The following RBFOX1 variants were observed in gnomAD, a reference collection of about 807,000 sequenced individuals.
RBFOX1 encodes RNA binding protein fox-1 homolog 1.
RBFOX1 carries 8 observed loss-of-function variants against 57.7 expected under a neutral mutation model. That is an observed-to-expected ratio of 0.14 (90% CI 0.08 to 0.25). The LOEUF (loss-of-function observed/expected upper bound fraction) is 0.25, where lower values mean the gene tolerates loss of function less well. RBFOX1 is among the 10% of genes least tolerant of loss of function. The pLI is 1.00. For missense variants in RBFOX1, 611 were observed against 548.5 expected, an observed-to-expected ratio of 1.11 and a Z score of -1.14; for synonymous variants, 326 against 222.4, an observed-to-expected ratio of 1.47 and a Z score of -4.15.
At chr16:6,711,137 A>C (rs1050411198) in intron 3 of RBFOX1, among the ~76,000 whole-genome samples, 2 of 152,178 alleles carry the variant, frequency 1.3e-5, no homozygotes, top group African/African-American at 4.8e-5. Context: ...GCAGGAAATC[A>C]TGTTGGCTTT....
At chr16:6,403,147 C>A (rs769982292) in intron 2 of RBFOX1, among the ~76,000 whole-genome samples, 7 of 152,152 alleles carry the variant, frequency 4.6e-5, no homozygotes, top group Non-Finnish European at 8.8e-5. Flanking sequence ...GAACCAGCAG[C>A]ATGAGTATCA....
At chr16:6,437,382 G>A (rs568599730) in intron 2 of RBFOX1, among the ~76,000 whole-genome samples, 1 of 152,294 alleles carries the variant, frequency 6.6e-6, no homozygotes, top group South Asian at 2.1e-4. Context: ...TTTGCAGCTT[G>A]AAAACCAATT....
intron 14 of RBFOX1, among the ~76,000 whole-genome samples, chr16:7,681,988 C>T (rs562273464): frequency 6.6e-6 from 1 of 152,158 alleles, no homozygotes; most frequent in Non-Finnish European, 1.5e-5. Flanking sequence ...AAGGCCAGTT[C>T]AAGACCTGGC....
intron 1 of RBFOX1, among the ~76,000 whole-genome samples, chr16:5,450,080 C>T (rs1283504301): frequency 6.6e-6 from 1 of 152,148 alleles, no homozygotes; most frequent in Non-Finnish European, 1.5e-5. Context: ...TCTGAGAAAG[C>T]AGGAACTATG....
chr16:6,605,042 A>G (rs1281707276), intron 2 of RBFOX1, among the ~76,000 whole-genome samples: 3 of 152,070 alleles, frequency 2.0e-5, no homozygotes, highest in African/African-American at 4.8e-5. Flanking sequence ...ATAAAAATAT[A>G]TAAACACATG....
At chr16:5,670,057 T>C (rs1364453524) in intron 3 of RBFOX1, among the ~76,000 whole-genome samples, 1 of 152,054 alleles carries the variant, frequency 6.6e-6, no homozygotes, top group East Asian at 1.9e-4. Flanking sequence ...CTTGAAAACA[T>C]GCTAAGTGAG....
chr16:6,970,527 A>G (rs911911046), intron 3 of RBFOX1, among the ~76,000 whole-genome samples: 4 of 152,132 alleles, frequency 2.6e-5, no homozygotes, highest in Non-Finnish European at 5.9e-5. Flanking sequence ...CAGTAGATTC[A>G]GTGTCCGGTG....
intron 2 of RBFOX1, among the ~76,000 whole-genome samples, chr16:6,580,073 C>T (rs1407038659): frequency 6.6e-6 from 1 of 152,196 alleles, no homozygotes; most frequent in East Asian, 1.9e-4. Flanking sequence ...ATTCTTCTGC[C>T]TCAGCCTCCC....
At chr16:7,490,707 G>T (rs544853852) in intron 4 of RBFOX1, among the ~76,000 whole-genome samples, 2 of 152,310 alleles carry the variant, frequency 1.3e-5, no homozygotes, top group South Asian at 4.2e-4. Flanking sequence ...TCTGGTTGAG[G>T]TGGGGGTGTT....
rs561103700 is a variant in RBFOX1 at position 6,190,341 on chromosome 16, G to T, written c.-126-126654G>T. On this transcript the variant is annotated intron_variant, in intron 1 of 15. Coordinates refer to ENST00000550418, the MANE Select transcript of RBFOX1 (RefSeq NM_018723.4). ...TGTTAGGATGTGTCCTATAGACGTT[G>T]TTCTGTATATAGTATCAACAGAATT... 3.7e-4 allele frequency among the ~76,000 whole-genome samples: 56 copies of T among 152,256 alleles called. No homozygotes were observed. In the South Asian group the frequency reaches 0.011, roughly 31 times the overall value.
intron 3 of RBFOX1, among the ~76,000 whole-genome samples, chr16:6,949,698 G>C (rs989795962): frequency 4.6e-5 from 7 of 152,028 alleles, no homozygotes; most frequent in African/African-American, 1.2e-4. Flanking sequence ...CCTCCTTCTA[G>C]GTCCTACCTC....
At chr16:6,963,540 A>C (rs534290981) in intron 3 of RBFOX1, among the ~76,000 whole-genome samples, 5 of 152,146 alleles carry the variant, frequency 3.3e-5, no homozygotes, top group Admixed American at 6.5e-5. Context: ...CTCACTTGCA[A>C]TGTAAAATGT....
chr16:5,766,781 A>G (rs2053796352), intron 3 of RBFOX1, among the ~76,000 whole-genome samples: 1 of 152,102 alleles, frequency 6.6e-6, no homozygotes, highest in Admixed American at 6.5e-5. Flanking sequence ...TCAGAAGCTA[A>G]GGCTACCCAC....
In RBFOX1 at chr16:6,450,818, C is replaced by CAT. The variant is rs1305191127; in HGVS notation, c.-64+133778_-64+133779dup. On this transcript the variant is annotated intron_variant, in intron 2 of 15. Transcript: ENST00000550418. ...ATATATATGTATATATATATATATA[C>CAT]ATATATATATATATATATGTGTATA... is the stretch of plus-strand genomic sequence containing the variant. Among the ~76,000 whole-genome samples the CAT allele has an allele frequency of 8.4e-3, 149 of 17,708 alleles. 8 individuals carry two copies. Among genetic ancestry groups the CAT allele is most frequent in the African/African-American group, 0.027 (133 of 4,868 alleles). 11.6% of individuals were successfully genotyped at this position (17,708 alleles called of 152,430 possible). A position where few individuals can be genotyped will look rare whatever the true frequency, so the allele number is the denominator to read the frequency against.
At chr16:6,135,678 C>T (rs565551585) in intron 1 of RBFOX1, among the ~76,000 whole-genome samples, 2 of 149,458 alleles carry the variant, frequency 1.3e-5, no homozygotes, top group South Asian at 2.1e-4. Flanking sequence ...GTTAATGGAA[C>T]AATGACTAAT....
At chr16:6,588,864 T>C (rs1372643068) in intron 2 of RBFOX1, among the ~76,000 whole-genome samples, 1 of 152,192 alleles carries the variant, frequency 6.6e-6, no homozygotes, top group South Asian at 2.1e-4. Context: ...CTGGAGGTCC[T>C]TGATGTCACT....
In RBFOX1 at chr16:7,060,511, A is replaced by C. The variant is rs138133164; in HGVS notation, c.27+8413A>C. Among the ~76,000 whole-genome samples the C allele has an allele frequency of 3.5e-3, 537 of 152,328 alleles. 4 individuals carry two copies. Among genetic ancestry groups the C allele is most frequent in the Middle Eastern group, 0.014 (4 of 294 alleles). On this transcript the variant is annotated intron_variant, in intron 4 of 15. Coordinates refer to ENST00000550418, the MANE Select transcript of RBFOX1 (RefSeq NM_018723.4). Reference sequence around the variant, plus strand: ...TTTCTTGCTTTAAAGGCTTCCAGTTAAATACCTTCTGCCATTCTCAAATGA... The same window carrying C: ...TTTCTTGCTTTAAAGGCTTCCAGTTCAATACCTTCTGCCATTCTCAAATGA...
At chr16:7,122,625 C>T (rs2067446435) in intron 4 of RBFOX1, among the ~76,000 whole-genome samples, 2 of 152,130 alleles carry the variant, frequency 1.3e-5, no homozygotes, top group Non-Finnish European at 2.9e-5. Context: ...CTGGTAGGAA[C>T]ATAGAACAAT....
intron 2 of RBFOX1, among the ~76,000 whole-genome samples, chr16:6,426,880 G>A (rs921973267): frequency 6.6e-6 from 1 of 152,166 alleles, no homozygotes; most frequent in African/African-American, 2.4e-5. Context: ...AACTTCTTGA[G>A]CATTTGGGGG....
Sources: allele counts gnomAD v4.1 joint callset (sites outside exome capture counted in the v4.1 genomes callset), GRCh38; gene constraint gnomAD v4.1.1; transcripts MANE v1.5; gene names NCBI Gene and HGNC (gene_info 2026-07-23, HGNC 2026-07-21).